Variants in FBLN2 observed in about 807,000 individuals in gnomAD.
FBLN2 encodes the protein fibulin 2.
In FBLN2, 81 loss-of-function variants were observed where a neutral mutation model predicts 123.7. That is an observed-to-expected ratio of 0.65 (90% CI 0.55 to 0.79). The LOEUF (loss-of-function observed/expected upper bound fraction) is 0.79, where lower values mean the gene tolerates loss of function less well. Ranked by LOEUF, FBLN2 falls within the 30% of genes least tolerant of loss-of-function variation. The pLI, the probability that FBLN2 is intolerant of heterozygous loss-of-function variation, is 0.00. For missense variants in FBLN2, 1,603 were observed against 1,681.3 expected (o/e 0.95, Z 0.81); for synonymous variants, 699 against 701.4 (o/e 1.00, Z 0.05).
At position 13,629,017 on chromosome 3, in the gene FBLN2, C is replaced by G; in HGVS notation, c.2682C>G (p.Tyr894Ter). The change falls in exon 12 of 18, where the codon TAC (tyrosine) becomes TAG (stop). Residue 894 changes from tyrosine to a stop codon, truncating the protein, a stop_gained. Transcript: ENST00000404922. LOFTEE classifies it high-confidence loss of function. The part of the protein sequence containing the change: ...QRNPLICARG[Y>*]HASDDGTKCV... ...ACCCGCTGATCTGCGCGCGCGGCTA[C>G]CACGCCAGCGATGATGGGACCAAGT... 1 of 1,613,410 alleles carries G rather than the reference C, an allele frequency of 6.2e-7. No homozygotes were observed. Among genetic ancestry groups the G allele is most frequent in the Non-Finnish European group, 8.5e-7 (1 of 1,179,774 alleles).
At chr3:13,609,130 A>G (rs1459168340) in intron 3 of FBLN2, among the ~76,000 whole-genome samples, 2 of 152,308 alleles carry the variant, frequency 1.3e-5, no homozygotes, top group East Asian at 3.9e-4. Flanking sequence ...CCTCTGCCCC[A>G]GGCAGCCCAA....
intron 2 of FBLN2, among the ~76,000 whole-genome samples, chr3:13,582,368 CG>C (rs531894617): frequency 1.5e-3 from 228 of 152,280 alleles, no homozygotes; most frequent in African/African-American, 5.4e-3. Flanking sequence ...AGTTTCCCTG[CG>C]GGCAATGTCG....
At chr3:13,582,953 T>A (rs1337427557) in intron 2 of FBLN2, among the ~76,000 whole-genome samples, 1 of 152,244 alleles carries the variant, frequency 6.6e-6, no homozygotes, top group Non-Finnish European at 1.5e-5. Flanking sequence ...CCTGGCAGGG[T>A]TGGGCAGGGG....
At chr3:13,591,025 C>T (rs1704658105) in intron 2 of FBLN2, among the ~76,000 whole-genome samples, 1 of 152,228 alleles carries the variant, frequency 6.6e-6, no homozygotes, top group South Asian at 2.1e-4. Context: ...CCCTACCAGC[C>T]ATGCATGAGA....
chr3:13,596,889 GT>G, intron 2 of FBLN2, among the ~76,000 whole-genome samples: 1 of 151,074 alleles, frequency 6.6e-6, no homozygotes, highest in Admixed American at 6.6e-5. Context: ...AAATAAATTA[GT>G]TTTTTATTTA....
chr3:13,630,841 C>T (rs1706231382), intron 15 of FBLN2, 26 bp downstream of exon 15: 8 of 1,524,732 alleles, frequency 5.2e-6, no homozygotes, highest in Non-Finnish European at 7.2e-6. Flanking sequence ...CCAAGGGCCC[C>T]CTTCCAGAGA....
chr3:13,582,987 C>T (rs899607665), intron 2 of FBLN2, among the ~76,000 whole-genome samples: 5 of 152,284 alleles, frequency 3.3e-5, no homozygotes, highest in African/African-American at 1.2e-4. Context: ...ATGTTTGCCA[C>T]TCCAGCTGCC....
At chr3:13,581,308 A>G (rs1327711439) in intron 2 of FBLN2, among the ~76,000 whole-genome samples, 5 of 152,072 alleles carry the variant, frequency 3.3e-5, no homozygotes, top group Non-Finnish European at 5.9e-5. Flanking sequence ...TGGGCACTTT[A>G]AAGCAAGCAG....
rs2290189 is a variant in FBLN2, at chr3:13,636,446, C to T, written c.3216C>T (p.Asp1072=). 7.6e-3 allele frequency: 12,310 copies of T among 1,613,488 alleles called. 383 individuals carry two copies. The highest frequency in any genetic ancestry group is 0.071 in the East Asian group (3,191 of 44,852). ...TMTANGRSCK[D]VDECALGTHN... ...GCCATTGCCCCTCTTCTCCCCCAGA[C>T]GTGGATGAGTGTGCACTGGGTACCC... Residue 1072 remains aspartate (D), a splice_region_variant and synonymous_variant, in exon 17 of 18, where the codon GAC becomes GAT. Coordinates refer to ENST00000404922, the MANE Select transcript of FBLN2 (RefSeq NM_001004019.2).
intron 7 of FBLN2, among the ~76,000 whole-genome samples, chr3:13,619,401 C>T (rs946281981): frequency 6.6e-6 from 1 of 152,126 alleles, no homozygotes; most frequent in African/African-American, 2.4e-5. Flanking sequence ...TGCTTTTTTC[C>T]CTGCCCCCTT....
In FBLN2 at chr3:13,618,706, C is replaced by A. The variant is rs557486138; in HGVS notation, c.1940-198C>A. Among the ~76,000 whole-genome samples the A allele has an allele frequency of 1.1e-4, 17 of 152,292 alleles. No homozygotes were observed. The South Asian group carries it at 3.3e-3, about 30-fold the overall frequency. On this transcript the variant is annotated intron_variant, in intron 6 of 17. Transcript: ENST00000404922. ...TTCCTTGCCTCCTTTCCTTCTACCC[C>A]CTCTGCCCCCAGTAGCTGAGATTGA... is the stretch of plus-strand genomic sequence containing the variant.
intron 1 of FBLN2, among the ~76,000 whole-genome samples, chr3:13,556,317 G>T (rs9820234): frequency 2.8e-4 from 43 of 152,270 alleles, no homozygotes; most frequent in African/African-American, 1.0e-3. Context: ...TCACAAGGTG[G>T]GGGGTGGGAA....
At chr3:13,608,303 A>G (rs1307298134) in intron 3 of FBLN2, 130 bp downstream of exon 3, 1 of 672,900 alleles carries the variant, frequency 1.5e-6, no homozygotes, top group African/African-American at 1.8e-5. Flanking sequence ...CATGAGGGTG[A>G]TTGGGTGTGG....
intron 2 of FBLN2, among the ~76,000 whole-genome samples, chr3:13,601,125 G>A (rs1705018295): frequency 6.6e-6 from 1 of 152,242 alleles, no homozygotes; most frequent in Admixed American, 6.5e-5. Flanking sequence ...TGAGGTTCCT[G>A]TGCTGGGACC....
At chr3:13,637,285 AG>A (rs1706508403) in intron 17 of FBLN2, among the ~76,000 whole-genome samples, 2 of 152,198 alleles carry the variant, frequency 1.3e-5, no homozygotes, top group South Asian at 4.1e-4. Context: ...GGAGGGAGGA[AG>A]AAAGGAGCAT....
At chr3:13,578,467 T>G (rs1237129765) in intron 2 of FBLN2, among the ~76,000 whole-genome samples, 2 of 152,222 alleles carry the variant, frequency 1.3e-5, no homozygotes, top group Non-Finnish European at 2.9e-5. Context: ...TGGTTTCTAG[T>G]GTGTGACTCT....
At position 13,618,271 on chromosome 3, in the gene FBLN2, G is replaced by T; in HGVS notation, c.1925G>T (p.Arg642Leu). 6.2e-7 allele frequency: 1 copy of T among 1,613,814 alleles called. No individual in the cohort carries two copies. Among genetic ancestry groups the T allele is most frequent in the Non-Finnish European group, 8.5e-7 (1 of 1,179,878 alleles). Residue 642 changes from arginine to leucine, a missense_variant, in exon 6 of 18, where the codon CGC becomes CTC. Physicochemically the swap from Arg to Leu is moderately radical, Grantham distance 102 (BLOSUM62 -2). Transcript: ENST00000404922. Reference protein sequence around the residue: ...FPGFSLQDDGRTCRPEGHPPQ... With the variant: ...FPGFSLQDDGLTCRPEGHPPQ... ...GGCTTCTCACTGCAGGACGATGGCC[G>T]CACTTGCCGCCCAGGTAAGGGCCCT... is the stretch of plus-strand genomic sequence containing the variant.
chr3:13,604,003 T>A (rs1705124467), intron 2 of FBLN2, among the ~76,000 whole-genome samples: 1 of 152,252 alleles, frequency 6.6e-6, no homozygotes, highest in Non-Finnish European at 1.5e-5. Context: ...ATGAGCATTT[T>A]TTCATGTGTC....
At chr3:13,630,664 G>A (rs1426794990) in intron 14 of FBLN2, 35 bp from the exon 15 acceptor site, 1 of 1,525,900 alleles carries the variant, frequency 6.6e-7, no homozygotes, top group Non-Finnish European at 8.9e-7. Context: ...GGCAGACTTG[G>A]GCCCTGCCAT....
Sources: gnomAD v4.1 joint callset for allele counts (sites outside exome capture counted in the v4.1 genomes callset) on GRCh38, gnomAD v4.1.1 for gene constraint, MANE v1.5 for transcripts, NCBI Gene and HGNC (gene_info 2026-07-23, HGNC 2026-07-21) for gene names.